PPM1H: variants seen among roughly 807,000 people sequenced by gnomAD.
PPM1H encodes protein phosphatase, Mg2+/Mn2+ dependent 1H, also known as protein phosphatase 1H.
A neutral mutation model predicts 54.9 loss-of-function variants in PPM1H; 27 were observed. The ratio of observed to expected loss-of-function variants is 0.49; its 90% CI spans 0.36 to 0.68. The LOEUF is 0.68. Ranked by LOEUF, PPM1H falls within the 30% of genes least tolerant of loss-of-function variation. PPM1H has a pLI of 0.00. For missense variants in PPM1H, 596 were observed against 667.8 expected (o/e 0.89, Z 1.19); for synonymous variants, 305 against 270.8 (o/e 1.13, Z -1.24).
chr12:62,929,874 C>T lies in PPM1H; in HGVS notation c.245+4618G>A, dbSNP rs567269694. Among the ~76,000 whole-genome samples, 10 of 152,208 alleles carry T rather than the reference C, an allele frequency of 6.6e-5. No individual in the cohort carries two copies. In the South Asian group the frequency reaches 2.1e-3, roughly 32 times the overall value. ...GTAACTCATCTGCAGATACCCTCAC[C>T]CACTCCTTTTTATCCTTACATAAGA... is the stretch of plus-strand genomic sequence containing the variant. On this transcript the variant is annotated intron_variant, in intron 1 of 9. Coordinates refer to ENST00000228705, the MANE Select transcript of PPM1H (RefSeq NM_020700.2).
chr12:62,773,907 G>A (rs1005242386), intron 4 of PPM1H, among the ~76,000 whole-genome samples: 1 of 152,134 alleles, frequency 6.6e-6, no homozygotes, highest in African/African-American at 2.4e-5. Flanking sequence ...TATGCTCTAG[G>A]TTTGGAGCAT....
At chr12:62,688,505 A>C (rs1031573308) in intron 8 of PPM1H, among the ~76,000 whole-genome samples, 2 of 152,214 alleles carry the variant, frequency 1.3e-5, no homozygotes, top group African/African-American at 4.8e-5. Context: ...CCAAATTTGG[A>C]AGCAAAAAAA....
chr12:62,671,507 G>A (rs1373095228), intron 8 of PPM1H, among the ~76,000 whole-genome samples: 2 of 152,162 alleles, frequency 1.3e-5, no homozygotes, highest in Non-Finnish European at 2.9e-5. Context: ...TCCAGGCACT[G>A]GGGACACAGT....
chr12:62,705,751 T>A (rs2076169675), intron 6 of PPM1H, among the ~76,000 whole-genome samples: 1 of 152,178 alleles, frequency 6.6e-6, no homozygotes, highest in Non-Finnish European at 1.5e-5. Context: ...CACACAAATG[T>A]GAAGTGATTT....
At chr12:62,849,789 T>C (rs1170378800) in intron 1 of PPM1H, among the ~76,000 whole-genome samples, 3 of 152,178 alleles carry the variant, frequency 2.0e-5, no homozygotes, top group Non-Finnish European at 4.4e-5. Context: ...AGTATTTCAC[T>C]TGTCTGCTTC....
intron 4 of PPM1H, among the ~76,000 whole-genome samples, chr12:62,772,749 C>A (rs918805665): frequency 6.6e-6 from 1 of 152,136 alleles, no homozygotes; most frequent in Non-Finnish European, 1.5e-5. Flanking sequence ...ATCTGCAGGG[C>A]TGGGGAGGAT....
intron 1 of PPM1H, among the ~76,000 whole-genome samples, chr12:62,888,656 G>A (rs1395458826): frequency 6.6e-6 from 1 of 152,152 alleles, no homozygotes; most frequent in African/African-American, 2.4e-5. Context: ...TTTGTAACAC[G>A]GAAGTCACTG....
intron 6 of PPM1H, among the ~76,000 whole-genome samples, chr12:62,700,772 G>GTAA (rs1028063096): frequency 3.3e-5 from 5 of 152,138 alleles, no homozygotes; most frequent in Non-Finnish European, 7.3e-5. Flanking sequence ...AGCAACTGGA[G>GTAA]TAATTATTTT....
intron 5 of PPM1H, among the ~76,000 whole-genome samples, chr12:62,730,349 CTT>C (rs1592567436): frequency 6.6e-6 from 1 of 152,206 alleles, no homozygotes; most frequent in East Asian, 1.9e-4. Flanking sequence ...TAGGTACACA[CTT>C]AGGAGTAACA....
At chr12:62,843,631 C>G (rs1201774829) in intron 1 of PPM1H, among the ~76,000 whole-genome samples, 2 of 152,124 alleles carry the variant, frequency 1.3e-5, no homozygotes, top group Non-Finnish European at 2.9e-5. Context: ...GGTTTCAGTA[C>G]TTCAATATAT....
chr12:62,894,009 C>T (rs905177266), intron 1 of PPM1H, among the ~76,000 whole-genome samples: 1 of 152,148 alleles, frequency 6.6e-6, no homozygotes, highest in Non-Finnish European at 1.5e-5. Flanking sequence ...ATTACAGCTT[C>T]ACACTAGCTA....
At chr12:62,850,227 A>G (rs1869128806) in intron 1 of PPM1H, among the ~76,000 whole-genome samples, 1 of 152,206 alleles carries the variant, frequency 6.6e-6, no homozygotes, top group Non-Finnish European at 1.5e-5. Context: ...TTGGCCTCCC[A>G]AAGTGCTGGG....
At chr12:62,846,824 C>A (rs1868989554) in intron 1 of PPM1H, among the ~76,000 whole-genome samples, 1 of 152,182 alleles carries the variant, frequency 6.6e-6, no homozygotes, top group South Asian at 2.1e-4. Flanking sequence ...CAGTAAGTAG[C>A]ACAGTGCTCA....
chr12:62,719,255 A>G (rs1375381288), intron 6 of PPM1H, among the ~76,000 whole-genome samples: 1 of 152,208 alleles, frequency 6.6e-6, no homozygotes, highest in Non-Finnish European at 1.5e-5. Flanking sequence ...GGCTGTGACC[A>G]TCTGCTATTG....
At chr12:62,890,755 C>CACAT (rs1555204040) in intron 1 of PPM1H, among the ~76,000 whole-genome samples, 8 of 115,130 alleles carry the variant, frequency 6.9e-5, no homozygotes, top group Non-Finnish European at 2.0e-5. Context: ...CACACACACA[C>CACAT]ATATATATAT....
At chr12:62,762,338 C>T (rs1307881699) in intron 4 of PPM1H, among the ~76,000 whole-genome samples, 1 of 152,180 alleles carries the variant, frequency 6.6e-6, no homozygotes, top group African/African-American at 2.4e-5. Flanking sequence ...TCCTGATCTT[C>T]CTCTGGGAAC....
At chr12:62,815,366 G>C (rs549615464) in intron 2 of PPM1H, among the ~76,000 whole-genome samples, 4 of 152,286 alleles carry the variant, frequency 2.6e-5, no homozygotes, top group Admixed American at 2.0e-4. Context: ...GATAGGTTTA[G>C]TAAGTTTGAC....
At chr12:62,830,835 C>T (rs572377067) in intron 2 of PPM1H, among the ~76,000 whole-genome samples, 14 of 151,710 alleles carry the variant, frequency 9.2e-5, no homozygotes, top group Middle Eastern at 3.4e-3. Flanking sequence ...TGAGCATAGA[C>T]GCAATGAAAC....
chr12:62,846,246 C>A (rs949145222), intron 1 of PPM1H, among the ~76,000 whole-genome samples: 5 of 152,152 alleles, frequency 3.3e-5, no homozygotes, highest in African/African-American at 1.2e-4. Flanking sequence ...CGCCTGTAAT[C>A]CCAGCACTTT....
Sources: allele counts gnomAD v4.1 joint callset (sites outside exome capture counted in the v4.1 genomes callset), GRCh38; gene constraint gnomAD v4.1.1; transcripts MANE v1.5; gene names NCBI Gene and HGNC (gene_info 2026-07-23, HGNC 2026-07-21).